ZFHX3: variants seen among roughly 807,000 people sequenced by gnomAD.
ZFHX3 encodes the protein zinc finger homeobox 3, also known as zinc finger homeobox protein 3.
ZFHX3 carries 42 observed loss-of-function variants against 279.1 expected under a neutral mutation model. The observed-to-expected ratio is 0.15, with a 90% CI of 0.12 to 0.19. The LOEUF is 0.19. Ranked by LOEUF, ZFHX3 falls within the 10% of genes least tolerant of loss-of-function variation. The probability of loss-of-function intolerance (pLI) is 1.00; values close to 1 mark genes in which losing one functional copy is unlikely to be tolerated. For synonymous variants in ZFHX3, 2,293 were observed against 1,957.8 expected (o/e 1.17, Z -4.52); for missense variants, 4,981 against 4,754.0 (o/e 1.05, Z -1.40).
At chr16:72,908,429 C>T (rs75395117) in intron 3 of ZFHX3, among the ~76,000 whole-genome samples, 10,724 of 152,258 alleles carry the variant, frequency 0.07, 411 homozygotes, top group South Asian at 0.15. Flanking sequence ...GCTCAGGTGA[C>T]GACAATGGGT....
chr16:72,869,471 C>A (rs1421183377), intron 4 of ZFHX3, among the ~76,000 whole-genome samples: 1 of 152,204 alleles, frequency 6.6e-6, no homozygotes, highest in Non-Finnish European at 1.5e-5. Context: ...TACCCAGGCT[C>A]TGTCCAAGGT....
chr16:72,849,255 C>A (rs1336461634), intron 4 of ZFHX3, among the ~76,000 whole-genome samples: 1 of 152,088 alleles, frequency 6.6e-6, no homozygotes, highest in Non-Finnish European at 1.5e-5. Flanking sequence ...CCTAACAGCC[C>A]CTGAGAGACT....
intron 1 of ZFHX3, among the ~76,000 whole-genome samples, chr16:73,881,232 A>G (rs2030138112): frequency 6.6e-6 from 1 of 152,094 alleles, no homozygotes; most frequent in Admixed American, 6.6e-5. Context: ...ACAAGGAACC[A>G]TTTTCACATA....
At chr16:73,157,079 G>A (rs145669259) in intron 5 of ZFHX3, among the ~76,000 whole-genome samples, 293 of 152,044 alleles carry the variant, frequency 1.9e-3, no homozygotes, top group African/African-American at 6.7e-3. Flanking sequence ...TATAAGCCAC[G>A]TTTCTAAAGC....
chr16:73,752,051 G>C (rs2053766796), intron 1 of ZFHX3, among the ~76,000 whole-genome samples: 1 of 152,198 alleles, frequency 6.6e-6, no homozygotes, highest in African/African-American at 2.4e-5. Context: ...CTGGCCATAA[G>C]ATCTATAAGC....
intron 2 of ZFHX3, among the ~76,000 whole-genome samples, chr16:73,565,721 C>T (rs2020441766): frequency 6.6e-6 from 1 of 152,162 alleles, no homozygotes; most frequent in South Asian, 2.1e-4. Context: ...TTTTTTTACT[C>T]TCCTACACAG....
intron 2 of ZFHX3, among the ~76,000 whole-genome samples, chr16:73,479,629 G>A (rs2018829440): frequency 2.0e-5 from 3 of 152,198 alleles, no homozygotes; most frequent in Admixed American, 2.0e-4. Flanking sequence ...GGAGGGCACT[G>A]TGTGTTCTTT....
At chr16:73,517,063 T>TC (rs11402037) in intron 2 of ZFHX3, among the ~76,000 whole-genome samples, 22,045 of 152,100 alleles carry the variant, frequency 0.14, 1,717 homozygotes, top group East Asian at 0.21. Flanking sequence ...GAAGTCTTCA[T>TC]CCCCCCATAA....
chr16:73,183,524 C>G (rs1967846734), intron 5 of ZFHX3, among the ~76,000 whole-genome samples: 1 of 152,168 alleles, frequency 6.6e-6, no homozygotes, highest in Admixed American at 6.5e-5. Flanking sequence ...TCCAATGTTC[C>G]CTGTCTGAGT....
At chr16:73,885,000 T>A (rs943340122) in intron 1 of ZFHX3, among the ~76,000 whole-genome samples, 2 of 152,154 alleles carry the variant, frequency 1.3e-5, no homozygotes, top group Admixed American at 1.3e-4. Context: ...ATAGCAATGC[T>A]TTTCGCTTTA....
At chr16:73,290,223 T>A (rs1362159511) in intron 4 of ZFHX3, among the ~76,000 whole-genome samples, 1 of 152,098 alleles carries the variant, frequency 6.6e-6, no homozygotes, top group Non-Finnish European at 1.5e-5. Flanking sequence ...GCTTCGTGAA[T>A]TCCCTAACTG....
chr16:73,782,219 G>GATAA (rs1479245574), intron 1 of ZFHX3, among the ~76,000 whole-genome samples: 36 of 152,310 alleles, frequency 2.4e-4, no homozygotes, highest in Non-Finnish European at 4.6e-4. Flanking sequence ...CCTATGGAGA[G>GATAA]ATAAAGCTTG....
intron 1 of ZFHX3, among the ~76,000 whole-genome samples, chr16:73,727,571 C>G (rs2053530167): frequency 1.3e-5 from 2 of 152,132 alleles, no homozygotes; most frequent in Admixed American, 6.5e-5. Context: ...AAAATGAGAC[C>G]AGTTCTAATC....
At chr16:73,521,211 G>A (rs16972092) in intron 2 of ZFHX3, among the ~76,000 whole-genome samples, 15,451 of 152,108 alleles carry the variant, frequency 0.1, 1,100 homozygotes, top group East Asian at 0.21. Flanking sequence ...AGCAGATTTA[G>A]AGCTCAGATG....
intron 3 of ZFHX3, among the ~76,000 whole-genome samples, chr16:72,945,568 C>G: frequency 6.6e-6 from 1 of 152,290 alleles, no homozygotes; most frequent in African/African-American, 2.4e-5. Flanking sequence ...GCCTTGCACA[C>G]CTTCTAAATC....
intron 1 of ZFHX3, among the ~76,000 whole-genome samples, chr16:73,765,663 C>T (rs1041235481): frequency 4.6e-5 from 7 of 152,182 alleles, no homozygotes; most frequent in Admixed American, 3.3e-4. Context: ...GTTATCAGTC[C>T]AAACTAACTT....
intron 3 of ZFHX3, among the ~76,000 whole-genome samples, chr16:73,439,913 A>G (rs1365562195): frequency 0.021 from 2,903 of 141,216 alleles, 21 homozygotes; most frequent in Non-Finnish European, 0.028. Flanking sequence ...GAGGGACAAA[A>G]AAAAAAAAAA....
chr16:72,811,983 G>A lies in ZFHX3; in HGVS notation c.3585C>T (p.Arg1195=), dbSNP rs2143596045. 6.2e-7 allele frequency: 1 copy of A among 1,614,200 alleles called. No homozygotes were observed. Among genetic ancestry groups the A allele is most frequent in the Non-Finnish European group, 8.5e-7 (1 of 1,180,044 alleles). ...ELTDSPATSK[R]ISFPGSSESP... Reference sequence around the variant, plus strand: ...ACTCTGAGCTACCTGGGAAGGAGATGCGTTTGGAGGTTGCAGGAGAATCTG... The same window carrying A: ...ACTCTGAGCTACCTGGGAAGGAGATACGTTTGGAGGTTGCAGGAGAATCTG... The change falls in exon 6 of 10, where the codon CGC becomes CGT. Residue 1195 remains arginine (R), a synonymous_variant. Transcript: ENST00000268489.
intron 5 of ZFHX3, among the ~76,000 whole-genome samples, chr16:73,149,020 T>TTATA (rs71156141): frequency 1.4e-5 from 2 of 147,994 alleles, no homozygotes; most frequent in Admixed American, 6.8e-5. Context: ...TATATATATT[T>TTATA]TATATATATA....
Sources: allele counts gnomAD v4.1 joint callset (sites outside exome capture counted in the v4.1 genomes callset), GRCh38; gene constraint gnomAD v4.1.1; transcripts MANE v1.5; gene names NCBI Gene and HGNC (gene_info 2026-07-23, HGNC 2026-07-21).